The following CDH4 variants were observed in gnomAD, a reference collection of about 807,000 sequenced individuals.
The protein encoded by CDH4 is cadherin-4.
In CDH4, 33 loss-of-function variants were observed where a neutral mutation model predicts 86.0. The observed-to-expected ratio is 0.38, with a 90% CI of 0.29 to 0.51. The LOEUF (loss-of-function observed/expected upper bound fraction) is 0.51, where lower values mean the gene tolerates loss of function less well. Among genes scored for constraint, CDH4 ranks in the 20% least tolerant of loss-of-function variants. The pLI, the probability that CDH4 is intolerant of heterozygous loss-of-function variation, is 0.86. For missense variants in CDH4, 1,114 were observed against 1,307.4 expected (o/e 0.85, Z 2.28); for synonymous variants, 555 against 549.4 (o/e 1.01, Z -0.14).
intron 2 of CDH4, among the ~76,000 whole-genome samples, chr20:61,443,285 G>A (rs537144858): frequency 6.6e-6 from 1 of 152,286 alleles, no homozygotes; most frequent in Admixed American, 6.5e-5. Flanking sequence ...TTATGCCGGA[G>A]TCATTTAGAA....
chr20:61,296,101 G>A (rs1409582996), intron 2 of CDH4, among the ~76,000 whole-genome samples: 4 of 152,124 alleles, frequency 2.6e-5, no homozygotes, highest in African/African-American at 9.7e-5. Flanking sequence ...GCGGCTTCTA[G>A]GCAGCAAGGT....
chr20:61,642,432 A>G (rs910633625), intron 2 of CDH4, among the ~76,000 whole-genome samples: 8 of 152,244 alleles, frequency 5.3e-5, no homozygotes, highest in African/African-American at 1.7e-4. Context: ...GCAGGACAGA[A>G]GGCTTAAGGG....
At chr20:61,654,915 G>A (rs937118038) in intron 2 of CDH4, among the ~76,000 whole-genome samples, 5 of 62,372 alleles carry the variant, frequency 8.0e-5, no homozygotes, top group Non-Finnish European at 1.5e-4. Flanking sequence ...ACAGGGACAC[G>A]GGGGCCTGAG....
intron 2 of CDH4, among the ~76,000 whole-genome samples, chr20:61,268,252 C>T (rs766084381): frequency 4.3e-4 from 65 of 152,170 alleles, no homozygotes; most frequent in Non-Finnish European, 7.8e-4. Context: ...GCATGGATCC[C>T]GAGGAGGGGC....
At chr20:61,868,844 C>T (rs1983668962) in intron 6 of CDH4, among the ~76,000 whole-genome samples, 1 of 152,234 alleles carries the variant, frequency 6.6e-6, no homozygotes, top group African/African-American at 2.4e-5. Context: ...ACGGGGAGCT[C>T]TGAGCACACG....
rs1161616093 is a variant in CDH4, at chr20:61,684,943, C to CAT, written c.170-58619_170-58618insTA. Among the ~76,000 whole-genome samples the CAT allele has an allele frequency of 1.3e-5, 2 of 152,182 alleles. No individual in the cohort carries two copies. Among genetic ancestry groups the CAT allele is most frequent in the African/African-American group, 4.8e-5 (2 of 41,426 alleles). ...ATTCCCCTGTTTAAAGTGTACAATT[C>CAT]AATGGTCCTTAGTCAATTCAGAGTT... On this transcript the variant is annotated intron_variant, in intron 2 of 15. Transcript: ENST00000614565. This position sits in a 1 kb window ranked among gnomAD's most constrained non-coding sequence, Gnocchi z 4.5.
intron 2 of CDH4, among the ~76,000 whole-genome samples, chr20:61,569,209 G>A (rs190710182): frequency 1.3e-5 from 2 of 152,064 alleles, no homozygotes; most frequent in Admixed American, 1.3e-4. Flanking sequence ...GGGTGGCCAT[G>A]ATGATTAACT....
chr20:61,418,604 T>A (rs1247081951), intron 2 of CDH4, among the ~76,000 whole-genome samples: 1 of 152,198 alleles, frequency 6.6e-6, no homozygotes, highest in Non-Finnish European at 1.5e-5. Flanking sequence ...TAATGGCACT[T>A]GCTCTACAGC....
chr20:61,606,861 A>G (rs542194032), intron 2 of CDH4, among the ~76,000 whole-genome samples: 1 of 152,362 alleles, frequency 6.6e-6, no homozygotes, highest in African/African-American at 2.4e-5. Context: ...AGTGCGGGAC[A>G]CTGTCCCCTC....
intron 4 of CDH4, among the ~76,000 whole-genome samples, chr20:61,825,513 A>G (rs1189721912): frequency 6.6e-6 from 1 of 152,206 alleles, no homozygotes; most frequent in African/African-American, 2.4e-5. Context: ...CTGACGAAGG[A>G]CAAGGCACTG....
rs1231792184 is a variant in CDH4, at chr20:61,466,448, C to T, written c.169+211511C>T. 4.6e-5 allele frequency among the ~76,000 whole-genome samples: 7 copies of T among 152,180 alleles called. No homozygotes were observed. In the East Asian group the frequency reaches 5.8e-4, roughly 13 times the overall value. ...TGACTAAAAGAAGAAATACATAACA[C>T]GTGACTCAGTACAATCCCAGAATTA... On this transcript the variant is annotated intron_variant, in intron 2 of 15. Coordinates refer to ENST00000614565, the MANE Select transcript of CDH4 (RefSeq NM_001794.5).
chr20:61,308,595 G>A (rs1363854815), intron 2 of CDH4, among the ~76,000 whole-genome samples: 1 of 152,210 alleles, frequency 6.6e-6, no homozygotes, highest in African/African-American at 2.4e-5. Flanking sequence ...TCCTGTGCCT[G>A]GGAGTGATGG....
intron 14 of CDH4, 123 bp downstream of exon 14, chr20:61,933,247 G>T (rs1568897927): frequency 7.9e-7 from 1 of 1,265,506 alleles, no homozygotes; most frequent in East Asian, 2.5e-5. Context: ...CAGTGAAGGT[G>T]CCAGGCAGGG....
intron 2 of CDH4, among the ~76,000 whole-genome samples, chr20:61,560,093 T>A (rs2086205704): frequency 6.6e-6 from 1 of 151,710 alleles, no homozygotes; most frequent in Middle Eastern, 3.4e-3. Flanking sequence ...AACTTCGGAG[T>A]CGCTTGTTTG....
intron 11 of CDH4, among the ~76,000 whole-genome samples, chr20:61,927,162 T>C: frequency 6.6e-6 from 1 of 152,258 alleles, no homozygotes; most frequent in Non-Finnish European, 1.5e-5. Flanking sequence ...ATGGTTCGCC[T>C]GCCTCAGTCA....
intron 4 of CDH4, among the ~76,000 whole-genome samples, chr20:61,796,350 T>A (rs1370714145): frequency 6.6e-6 from 1 of 151,940 alleles, no homozygotes; most frequent in African/African-American, 2.4e-5. Flanking sequence ...CACCCCACAC[T>A]CTATTTACAG....
intron 2 of CDH4, among the ~76,000 whole-genome samples, chr20:61,347,499 T>C (rs1269942609): frequency 2.0e-5 from 3 of 152,216 alleles, no homozygotes; most frequent in Non-Finnish European, 4.4e-5. Context: ...CTTCCTGCGG[T>C]GACTAAATAT....
chr20:61,499,339 T>G, intron 2 of CDH4: 1 of 727,620 alleles, frequency 1.4e-6, no homozygotes. Flanking sequence ...TGCCTCAGTT[T>G]CGCCACCTAG....
intron 2 of CDH4, among the ~76,000 whole-genome samples, chr20:61,264,297 C>A (rs1216845023): frequency 6.6e-6 from 1 of 152,104 alleles, no homozygotes; most frequent in Admixed American, 6.5e-5. Flanking sequence ...CTACACATAC[C>A]TCAGTGGTTC....
Sources: allele counts gnomAD v4.1 joint callset (sites outside exome capture counted in the v4.1 genomes callset), GRCh38; gene constraint gnomAD v4.1.1; non-coding constraint Gnocchi (gnomAD v3.1); transcripts MANE v1.5; gene names NCBI Gene and HGNC (gene_info 2026-07-23, HGNC 2026-07-21).